The following PTPRG variants were observed in gnomAD, a reference collection of about 807,000 sequenced individuals.
PTPRG encodes the protein protein tyrosine phosphatase receptor type G.
In PTPRG, 102 loss-of-function variants were observed where a neutral mutation model predicts 165.3. That is an observed-to-expected ratio of 0.62 (90% CI 0.53 to 0.73). The LOEUF is 0.73. Among genes scored for constraint, PTPRG ranks in the 30% least tolerant of loss-of-function variants. PTPRG has a pLI of 0.00. For missense variants in PTPRG, 1,866 were observed against 1,861.4 expected (o/e 1.00, Z -0.05); for synonymous variants, 675 against 669.5 (o/e 1.01, Z -0.13).
intron 4 of PTPRG, among the ~76,000 whole-genome samples, chr3:62,064,114 G>A (rs1462033134): frequency 6.9e-6 from 1 of 144,022 alleles, no homozygotes; most frequent in African/African-American, 2.5e-5. Context: ...TTCTTTTTCT[G>A]CTCATTTCAA....
chr3:61,807,304 C>T (rs2035446007), intron 2 of PTPRG, among the ~76,000 whole-genome samples: 3 of 152,164 alleles, frequency 2.0e-5, no homozygotes, highest in Non-Finnish European at 2.9e-5. Context: ...TTTTGAAGTT[C>T]ATCAGACGTA....
intron 2 of PTPRG, among the ~76,000 whole-genome samples, chr3:61,859,759 C>T (rs577079447): frequency 3.9e-5 from 6 of 152,122 alleles, no homozygotes; most frequent in East Asian, 3.9e-4. Context: ...TTCAAAATTA[C>T]CTTTCTGTTG....
intron 6 of PTPRG, among the ~76,000 whole-genome samples, chr3:62,145,615 G>A (rs1288735496): frequency 6.6e-6 from 1 of 152,220 alleles, no homozygotes; most frequent in South Asian, 2.1e-4. Context: ...GGAAAGGGTA[G>A]TGGACAAAGA....
At chr3:61,890,844 G>A (rs943313501) in intron 2 of PTPRG, among the ~76,000 whole-genome samples, 2 of 152,194 alleles carry the variant, frequency 1.3e-5, no homozygotes, top group Admixed American at 6.5e-5. Flanking sequence ...GTGAGAGAAT[G>A]CGAAGCATTC....
chr3:61,699,542 G>T (rs767296331), intron 1 of PTPRG, among the ~76,000 whole-genome samples: 4 of 152,148 alleles, frequency 2.6e-5, no homozygotes, highest in Non-Finnish European at 5.9e-5. Flanking sequence ...ACCTATTATT[G>T]AGAGTTTCTT....
intron 3 of PTPRG, among the ~76,000 whole-genome samples, chr3:61,999,041 G>T (rs2041107831): frequency 6.6e-6 from 1 of 152,052 alleles, no homozygotes; most frequent in Non-Finnish European, 1.5e-5. Context: ...CAGCTGGCTG[G>T]AGGCCTCTTT....
At chr3:61,625,882 C>T (rs1701593784) in intron 1 of PTPRG, among the ~76,000 whole-genome samples, 1 of 152,120 alleles carries the variant, frequency 6.6e-6, no homozygotes, top group Non-Finnish European at 1.5e-5. Context: ...AAACTTGAAA[C>T]CCAGTGTTCC....
At chr3:62,045,068 G>A (rs1337585645) in intron 4 of PTPRG, among the ~76,000 whole-genome samples, 1 of 152,146 alleles carries the variant, frequency 6.6e-6, no homozygotes, top group Non-Finnish European at 1.5e-5. Context: ...GGTGAGGGCA[G>A]CCATTTCATG....
At chr3:62,236,014 A>T (rs1433506196) in intron 14 of PTPRG, among the ~76,000 whole-genome samples, 3 of 152,218 alleles carry the variant, frequency 2.0e-5, no homozygotes, top group Non-Finnish European at 4.4e-5. Flanking sequence ...TTTGGAAAAT[A>T]TGGCCACTAG....
rs72880458 is a variant in PTPRG at position 61,811,307 on chromosome 3, A to G, written c.190+62325A>G. On this transcript the variant is annotated intron_variant, in intron 2 of 29. Transcript: ENST00000474889. The stretch of plus-strand genomic sequence containing the variant: ...TCACAGGTGGAACTTCCTGGCCCCA[A>G]CCTGTTGCTTAACTCTCAGTCACCC... Among the ~76,000 whole-genome samples, 989 of 152,300 alleles carry G rather than the reference A, an allele frequency of 6.5e-3. 10 individuals carry two copies. Among genetic ancestry groups the G allele is most frequent in the African/African-American group, 0.023 (951 of 41,566 alleles).
chr3:61,610,524 TAA>T (rs1029772337), intron 1 of PTPRG, among the ~76,000 whole-genome samples: 8 of 152,302 alleles, frequency 5.3e-5, no homozygotes, highest in Admixed American at 3.9e-4. Context: ...AGCAGATGGA[TAA>T]AGAGATTATA....
intron 4 of PTPRG, among the ~76,000 whole-genome samples, chr3:62,028,957 G>A (rs754071741): frequency 3.3e-5 from 5 of 152,168 alleles, no homozygotes; most frequent in East Asian, 1.9e-4. Flanking sequence ...ACCCAGGAAC[G>A]ACAACCTCAT....
rs141885416 is a variant in PTPRG at position 62,201,512 on chromosome 3, C to T, written c.1335C>T (p.Thr445=). 61 of 1,607,934 alleles carry T rather than the reference C, an allele frequency of 3.8e-5. No homozygotes were observed. In the African/African-American group the frequency reaches 6.5e-4, roughly 17 times the overall value. ...FSQTMLFQAN[T]TRIFQGTRIV... ...AATTTCTTTGTTTCTCAGCTAATACCACTCGAATATTCCAAGGGACCAGAA... is the reference window on the plus strand; with the variant it reads ...AATTTCTTTGTTTCTCAGCTAATACTACTCGAATATTCCAAGGGACCAGAA... Residue 445 remains threonine, a synonymous_variant, in exon 11 of 30, where the codon ACC becomes ACT. Coordinates refer to ENST00000474889, the MANE Select transcript of PTPRG (RefSeq NM_002841.4).
chr3:61,659,661 G>A (rs1175786977), intron 1 of PTPRG, among the ~76,000 whole-genome samples: 1 of 152,142 alleles, frequency 6.6e-6, no homozygotes, highest in African/African-American at 2.4e-5. Flanking sequence ...ATGATTAATG[G>A]ATAGAGACTG....
At chr3:62,178,227 A>G (rs1705510104) in intron 8 of PTPRG, among the ~76,000 whole-genome samples, 1 of 152,218 alleles carries the variant, frequency 6.6e-6, no homozygotes, top group East Asian at 1.9e-4. Flanking sequence ...GGATGGATGC[A>G]TGGATAAATG....
intron 14 of PTPRG, 70 bp from the exon 15 acceptor site, chr3:62,243,737 A>G: frequency 1.0e-6 from 1 of 969,044 alleles, no homozygotes; most frequent in Non-Finnish European, 1.6e-6. Flanking sequence ...CTATAAAATA[A>G]GAATTAAAAG....
intron 4 of PTPRG, among the ~76,000 whole-genome samples, chr3:62,068,738 C>T (rs774947615): frequency 1.4e-4 from 22 of 152,164 alleles, no homozygotes; most frequent in Non-Finnish European, 2.4e-4. Context: ...CAGGAGATCT[C>T]AAAAACATCC....
At chr3:61,978,625 G>C (rs927594841) in intron 2 of PTPRG, among the ~76,000 whole-genome samples, 1 of 152,168 alleles carries the variant, frequency 6.6e-6, no homozygotes, top group Non-Finnish European at 1.5e-5. Context: ...CATAAGGTAT[G>C]CAGATGTACA....
At chr3:62,082,965 T>G (rs1019588111) in intron 5 of PTPRG, among the ~76,000 whole-genome samples, 1 of 152,170 alleles carries the variant, frequency 6.6e-6, no homozygotes, top group Non-Finnish European at 1.5e-5. Context: ...TTGTTCCCTA[T>G]CGAAAGCATA....
Sources: allele counts gnomAD v4.1 joint callset (sites outside exome capture counted in the v4.1 genomes callset), GRCh38; gene constraint gnomAD v4.1.1; transcripts MANE v1.5; gene names NCBI Gene and HGNC (gene_info 2026-07-23, HGNC 2026-07-21).